The following TNNI3K variants were observed in gnomAD, a reference collection of about 807,000 sequenced individuals.
TNNI3K encodes the protein TNNI3 interacting kinase, also known as serine/threonine-protein kinase TNNI3K.
A neutral mutation model predicts 114.5 loss-of-function variants in TNNI3K; 140 were observed. That is an observed-to-expected ratio of 1.22 (90% confidence interval 1.07 to 1.41). TNNI3K has a LOEUF of 1.41. TNNI3K is among the 40% of genes most tolerant of loss of function. The pLI is 0.00. For synonymous variants in TNNI3K, 347 were observed against 347.5 expected (o/e 1.00, Z 0.02); for missense variants, 1,125 against 1,007.6 (o/e 1.12, Z -1.58).
chr1:74,379,435 A>G (rs1206724427), intron 17 of TNNI3K, among the ~76,000 whole-genome samples: 1 of 151,986 alleles, frequency 6.6e-6, no homozygotes, highest in African/African-American at 2.4e-5. Flanking sequence ...CACCCAACAG[A>G]AGGGGCTCCT....
chr1:74,335,921 G>A, intron 6 of TNNI3K, 90 bp from the exon 7 acceptor site: 1 of 1,419,668 alleles, frequency 7.0e-7, no homozygotes, highest in Non-Finnish European at 9.3e-7. Flanking sequence ...AATTTTTGTG[G>A]TTTAAGCCAG....
At chr1:74,373,984 C>T (rs2100531857) in intron 17 of TNNI3K, 1 of 152,042 alleles carries the variant, frequency 6.6e-6, no homozygotes, top group Middle Eastern at 3.4e-3. Flanking sequence ...ATTGCTGTAG[C>T]ATTTGCATAT....
At chr1:74,262,134 A>G (rs1281861505) in intron 4 of TNNI3K, among the ~76,000 whole-genome samples, 3 of 152,076 alleles carry the variant, frequency 2.0e-5, no homozygotes, top group African/African-American at 7.2e-5. Context: ...TAAAGACCCA[A>G]AGTAAGTGTT....
At chr1:74,374,664 G>A (rs1036349656) in intron 17 of TNNI3K, 3 of 151,870 alleles carry the variant, frequency 2.0e-5, no homozygotes, top group Non-Finnish European at 2.9e-5. Context: ...TCCATGTTCT[G>A]CTGGTGTGGA....
chr1:74,347,821 A>G (rs1002422373), intron 9 of TNNI3K, among the ~76,000 whole-genome samples: 8 of 152,166 alleles, frequency 5.3e-5, no homozygotes, highest in African/African-American at 1.4e-4. Context: ...GTCTGTTCAT[A>G]TCCTTCACCC....
intron 11 of TNNI3K, among the ~76,000 whole-genome samples, chr1:74,355,180 T>C (rs779552896): frequency 6.6e-6 from 1 of 152,220 alleles, no homozygotes; most frequent in Non-Finnish European, 1.5e-5. Context: ...CTTTTTACAA[T>C]ATTAAAAATG....
At chr1:74,460,317 C>T (rs1391092340) in intron 20 of TNNI3K, among the ~76,000 whole-genome samples, 6 of 151,982 alleles carry the variant, frequency 3.9e-5, no homozygotes, top group African/African-American at 4.8e-5. Context: ...TCTGCCGCCT[C>T]GGCCTCCCAA....
chr1:74,350,748 G>T (rs896788676), intron 9 of TNNI3K, among the ~76,000 whole-genome samples: 4 of 152,024 alleles, frequency 2.6e-5, no homozygotes, highest in Admixed American at 2.0e-4. Context: ...TTTGATCTTT[G>T]TTGGTTTAAA....
intron 21 of TNNI3K, among the ~76,000 whole-genome samples, chr1:74,486,507 CTTTT>C (rs397940623): frequency 7.3e-6 from 1 of 137,102 alleles, no homozygotes. Flanking sequence ...TTGTTTTTTG[CTTTT>C]TTTTTTTTTG....
chr1:74,322,942 A>G (rs968898435), intron 5 of TNNI3K, among the ~76,000 whole-genome samples: 3 of 152,156 alleles, frequency 2.0e-5, no homozygotes, highest in African/African-American at 7.2e-5. Flanking sequence ...TTTTCCTAGA[A>G]AGATCCTTCT....
chr1:74,505,351 C>T (rs548274881), intron 23 of TNNI3K, among the ~76,000 whole-genome samples: 1 of 152,306 alleles, frequency 6.6e-6, no homozygotes, highest in South Asian at 2.1e-4. Flanking sequence ...CGCCCTGCTC[C>T]CTCCTGACTC....
At chr1:74,512,688 T>C (rs1026130362) in intron 23 of TNNI3K, 1 of 152,294 alleles carries the variant, frequency 6.6e-6, no homozygotes, top group Admixed American at 6.5e-5. Flanking sequence ...CATCCTTTAG[T>C]GCCTGGAATA....
chr1:74,483,874 C>G (rs1258824847), intron 21 of TNNI3K, among the ~76,000 whole-genome samples: 5 of 152,110 alleles, frequency 3.3e-5, no homozygotes, highest in African/African-American at 1.2e-4. Flanking sequence ...ATTCTTACTC[C>G]TTATAGATTT....
In TNNI3K at chr1:74,282,915, C is replaced by T. The variant is rs780941671; in HGVS notation, c.444+11207C>T. Among the ~76,000 whole-genome samples, 199 of 152,214 alleles carry T rather than the reference C, an allele frequency of 1.3e-3. 1 individual carries two copies. Among genetic ancestry groups the T allele is most frequent in the Non-Finnish European group, 2.1e-3 (140 of 68,002 alleles). Reference sequence around the variant, plus strand: ...ACCATAATTTGGATATGGAAAACATCGCAAGGGCCAAATATGCCAGCCGAT... The same window carrying T: ...ACCATAATTTGGATATGGAAAACATTGCAAGGGCCAAATATGCCAGCCGAT... On this transcript the variant is annotated intron_variant, in intron 5 of 24. Transcript: ENST00000326637.
intron 23 of TNNI3K, among the ~76,000 whole-genome samples, chr1:74,532,482 A>G (rs921588854): frequency 1.3e-5 from 2 of 151,208 alleles, no homozygotes; most frequent in Non-Finnish European, 2.9e-5. Flanking sequence ...TTTTTATTTT[A>G]TTATTATTAT....
intron 5 of TNNI3K, among the ~76,000 whole-genome samples, chr1:74,290,753 A>G (rs1429958233): frequency 6.6e-6 from 1 of 151,762 alleles, no homozygotes; most frequent in African/African-American, 2.4e-5. Flanking sequence ...TTTCTTAAAT[A>G]TTCACCTTTA....
chr1:74,463,933 G>A (rs139115458), intron 21 of TNNI3K, among the ~76,000 whole-genome samples: 1 of 152,322 alleles, frequency 6.6e-6, no homozygotes, highest in East Asian at 1.9e-4. Context: ...CTCAGAATAG[G>A]TGGTCTTCAG....
chr1:74,492,035 A>G, intron 22 of TNNI3K, 62 bp from the exon 23 acceptor site: 1 of 1,385,934 alleles, frequency 7.2e-7, no homozygotes, highest in Non-Finnish European at 9.5e-7. Context: ...TCCATATTTT[A>G]TGTTATGTCT....
intron 17 of TNNI3K, among the ~76,000 whole-genome samples, chr1:74,411,100 G>T (rs1488312189): frequency 6.6e-6 from 1 of 152,068 alleles, no homozygotes; most frequent in Non-Finnish European, 1.5e-5. Flanking sequence ...AATTGAAGTT[G>T]CTGGCAAAAT....
Sources: gnomAD v4.1 joint callset for allele counts (sites outside exome capture counted in the v4.1 genomes callset) on GRCh38, gnomAD v4.1.1 for gene constraint, MANE v1.5 for transcripts, NCBI Gene and HGNC (gene_info 2026-07-23, HGNC 2026-07-21) for gene names.